The following SLC10A1 variants were observed in gnomAD, a reference collection of about 807,000 sequenced individuals.
SLC10A1 encodes solute carrier family 10 member 1, also known as hepatic sodium/bile acid cotransporter.
Under a neutral mutation model 20.5 loss-of-function variants are expected in SLC10A1, and 36 were observed. The observed-to-expected ratio is 1.75, with a 90% CI of 1.34 to 2.32. SLC10A1 has a LOEUF of 2.32. SLC10A1 is among the 30% of genes most tolerant of loss of function. The pLI is 0.00. For synonymous variants in SLC10A1, 188 were observed against 163.6 expected, an observed-to-expected ratio of 1.15 and a Z score of -1.14; for missense variants, 545 against 439.1, an observed-to-expected ratio of 1.24 and a Z score of -2.16.
intron 2 of SLC10A1, among the ~76,000 whole-genome samples, chr14:69,780,677 T>G (rs1367973599): frequency 6.6e-6 from 1 of 152,194 alleles, no homozygotes; most frequent in Admixed American, 6.5e-5. Flanking sequence ...ATATAAAACA[T>G]CACCTATACC....
In SLC10A1 at chr14:69,779,189, T is replaced by C; in HGVS notation, c.739A>G (p.Asn247Asp). 6.3e-7 allele frequency: 1 copy of C among 1,583,314 alleles called. No individual in the cohort carries two copies. Among genetic ancestry groups the C allele is most frequent in the East Asian group, 2.2e-5 (1 of 44,680 alleles). The change falls in exon 3 of 5, where the codon AAT becomes GAT. Residue 247 changes from asparagine (N) to aspartate (D), a missense_variant. Physicochemically the swap from Asn to Asp is conservative, Grantham distance 23. Coordinates refer to ENST00000216540, the MANE Select transcript of SLC10A1 (RefSeq NM_003049.4). ...AAAAAAAAAAATACCTACCGTCCAT[T>C]GAGGCAGAAGAGAGCAGAGAGAACA... is the stretch of plus-strand genomic sequence containing the variant. ...GYVLSALFCLNGRCRRTVSME... is the reference protein window; with the variant it reads ...GYVLSALFCLDGRCRRTVSME...
At chr14:69,782,534 G>A (rs1883617244) in intron 2 of SLC10A1, among the ~76,000 whole-genome samples, 1 of 152,222 alleles carries the variant, frequency 6.6e-6, no homozygotes, top group South Asian at 2.1e-4. Flanking sequence ...TCGGCAAGGT[G>A]TGGTGGCTCA....
rs201764278 is a variant in SLC10A1, at chr14:69,796,874, C to T, written c.282G>A (p.Leu94=). 32 of 1,614,074 alleles carry T rather than the reference C, an allele frequency of 2.0e-5. No homozygotes were observed. The highest frequency in any genetic ancestry group is 3.3e-4 in the Middle Eastern group (2 of 6,084). The part of the protein sequence containing the change: ...RLKNIEALAI[L]VCGCSPGGNL... ...TCCCTCCAGGTGAGCAGCCACAGAC[C>T]AAGATGGCCAGTGCCTCAATGTTCT... The change falls in exon 1 of 5, where the codon TTG becomes TTA. Residue 94 remains leucine (L), a synonymous_variant. Coordinates refer to ENST00000216540, the MANE Select transcript of SLC10A1 (RefSeq NM_003049.4).
At chr14:69,782,762 C>T (rs993548974) in intron 2 of SLC10A1, among the ~76,000 whole-genome samples, 6 of 150,208 alleles carry the variant, frequency 4.0e-5, no homozygotes, top group Admixed American at 1.3e-4. Context: ...GAGCCGAGCT[C>T]GCGCCACTGC....
intron 1 of SLC10A1, among the ~76,000 whole-genome samples, chr14:69,789,065 C>T (rs1047811289): frequency 6.6e-6 from 1 of 151,834 alleles, no homozygotes; most frequent in African/African-American, 2.4e-5. Context: ...TGGACAATAA[C>T]AAGTGTTGGA....
chr14:69,779,245 A>AG lies in SLC10A1; in HGVS notation c.682dup (p.Leu228ProfsTer50), dbSNP rs71446399. 4 of 1,613,936 alleles carry AG rather than the reference A, an allele frequency of 2.5e-6. No individual in the cohort carries two copies. The highest frequency in any genetic ancestry group is 3.4e-6 in the Non-Finnish European group (4 of 1,179,938). ...CAGCAGAAAGCCAATAAAAGGCATCAGGGAGGAGGTGGCAATCAAGAGTGG... is the reference window on the plus strand; with the variant it reads ...CAGCAGAAAGCCAATAAAAGGCATCAGGGGAGGAGGTGGCAATCAAGAGTGG... On this transcript the variant is annotated frameshift_variant, in exon 3 of 5. Transcript: ENST00000216540. LOFTEE classifies it high-confidence loss of function.
intron 1 of SLC10A1, among the ~76,000 whole-genome samples, chr14:69,796,453 A>T (rs1412140566): frequency 6.6e-6 from 1 of 152,200 alleles, no homozygotes; most frequent in African/African-American, 2.4e-5. Context: ...CAAAGCAGGC[A>T]ACTTGTCCAC....
rs1555352387 is a variant in SLC10A1 at position 69,779,194 on chromosome 14, C to T, written c.734G>A (p.Cys245Tyr). 6.2e-7 allele frequency: 1 copy of T among 1,606,118 alleles called. No individual in the cohort carries two copies. The highest frequency in any genetic ancestry group is 8.5e-7 in the Non-Finnish European group (1 of 1,177,216). ...AAAAAATACCTACCGTCCATTGAGG[C>T]AGAAGAGAGCAGAGAGAACATAACC... ...LLGYVLSALF[C>Y]LNGRCRRTVS... The change falls in exon 3 of 5, where the codon TGC becomes TAC. Residue 245 changes from cysteine (C) to tyrosine (Y), a missense_variant. Coordinates refer to ENST00000216540, the MANE Select transcript of SLC10A1 (RefSeq NM_003049.4).
At chr14:69,784,641 G>T (rs1883670745) in intron 2 of SLC10A1, among the ~76,000 whole-genome samples, 1 of 152,138 alleles carries the variant, frequency 6.6e-6, no homozygotes, top group Admixed American at 6.5e-5. Flanking sequence ...GACACTTTTT[G>T]TTTTGTTTTT....
intron 1 of SLC10A1, among the ~76,000 whole-genome samples, chr14:69,788,037 G>A (rs1883762587): frequency 1.3e-5 from 2 of 152,042 alleles, no homozygotes; most frequent in African/African-American, 4.8e-5. Flanking sequence ...TAAAAAAAAA[G>A]GTGCCCACGG....
In SLC10A1 at chr14:69,776,337, C is replaced by A. The variant is rs567292118; in HGVS notation, c.995G>T (p.Gly332Val). ...TTTGTAGGTGCCATTTCCCAGAGCT[C>A]CTGGAATTGTTTCTTCAGTTGTGGC... ...TAATTEETIP[G>V]ALGNGTYKGE... Residue 332 changes from glycine (G) to valine (V), a missense_variant, in exon 5 of 5, where the codon GGA becomes GTA. Transcript: ENST00000216540. 3 of 1,613,832 alleles carry A rather than the reference C, an allele frequency of 1.9e-6. No individual in the cohort carries two copies. In the African/African-American group the frequency reaches 4.0e-5, roughly 22 times the overall value.
Position 69,796,086 on chromosome 14 carries a change from C to T in SLC10A1, c.356+714G>A, listed in dbSNP as rs144058121. 4.6e-5 allele frequency among the ~76,000 whole-genome samples: 7 copies of T among 152,288 alleles called. No homozygotes were observed. The East Asian group carries it at 9.7e-4, about 21-fold the overall frequency. The stretch of plus-strand genomic sequence containing the variant: ...AGCATCAACCAGCCCCTGTGTGCTG[C>T]GTCTCCAGGAGCGAGCCCTTGCTGA... On this transcript the variant is annotated intron_variant, in intron 1 of 4. Transcript: ENST00000216540.
intron 2 of SLC10A1, among the ~76,000 whole-genome samples, chr14:69,779,865 T>C (rs1449599708): frequency 2.6e-5 from 4 of 152,342 alleles, no homozygotes; most frequent in African/African-American, 4.8e-5. Flanking sequence ...TTGGAACTTA[T>C]ATACACATTC....
intron 2 of SLC10A1, among the ~76,000 whole-genome samples, chr14:69,782,293 C>T (rs1883610220): frequency 6.6e-6 from 1 of 152,168 alleles, no homozygotes; most frequent in South Asian, 2.1e-4. Flanking sequence ...TCTGTTTTTC[C>T]AGCCAAGGTA....
chr14:69,794,802 A>G (rs71423373), intron 1 of SLC10A1, among the ~76,000 whole-genome samples: 1 of 152,140 alleles, frequency 6.6e-6, no homozygotes, highest in East Asian at 1.9e-4. Flanking sequence ...AATGACAGTC[A>G]TCAGGGGTCT....
chr14:69,775,447 A>G lies in SLC10A1; in HGVS notation c.*835T>C, dbSNP rs1470946709. 1 of 152,224 alleles carries G rather than the reference A, an allele frequency of 6.6e-6. No individual in the cohort carries two copies. The highest frequency in any genetic ancestry group is 1.9e-4 in the East Asian group (1 of 5,206). 9.4% of individuals were successfully genotyped at this position (152,224 alleles called of 1,614,324 possible). A position where few individuals can be genotyped will look rare whatever the true frequency, so the allele number is the denominator to read the frequency against. On this transcript the variant is annotated 3_prime_UTR_variant, in exon 5 of 5. Coordinates refer to ENST00000216540, the MANE Select transcript of SLC10A1 (RefSeq NM_003049.4). ...GCAAAATGTTTAAATTTTATTAGAG[A>G]CAATTTGAAATTTGTGAATTCTAGG...
Position 69,778,655 on chromosome 14 carries a change from A to G in SLC10A1, c.747-126T>C, listed in dbSNP as rs912149818. On this transcript the variant is annotated intron_variant, in intron 3 of 4. Transcript: ENST00000216540. The stretch of plus-strand genomic sequence containing the variant: ...AGACCCTGGACAGGGGTACTTTGCT[A>G]TTGCTGCTGGTGTTTGGATACCTTT... 9 of 731,162 alleles carry G rather than the reference A, an allele frequency of 1.2e-5. No homozygotes were observed. The African/African-American group carries it at 1.3e-4, about 10-fold the overall frequency. The allele number at this position is 731,162 out of a possible 1,614,324, so 45.3% of individuals were successfully genotyped here. A position where few individuals can be genotyped will look rare whatever the true frequency, so the allele number is the denominator to read the frequency against.
intron 2 of SLC10A1, among the ~76,000 whole-genome samples, chr14:69,785,174 G>T (rs1288083688): frequency 6.6e-6 from 1 of 152,144 alleles, no homozygotes; most frequent in Non-Finnish European, 1.5e-5. Flanking sequence ...AGGCTGGCAG[G>T]GACCAAACTC....
chr14:69,786,817 A>G (rs114570302), intron 1 of SLC10A1, among the ~76,000 whole-genome samples: 108 of 152,356 alleles, frequency 7.1e-4, no homozygotes, highest in African/African-American at 2.5e-3. Context: ...AGACAATAAC[A>G]ATTAGCTATA....
Sources: allele counts gnomAD v4.1 joint callset (sites outside exome capture counted in the v4.1 genomes callset), GRCh38; gene constraint gnomAD v4.1.1; transcripts MANE v1.5; gene names NCBI Gene and HGNC (gene_info 2026-07-23, HGNC 2026-07-21).